The following BFSP2 variants were observed in gnomAD, a reference collection of about 807,000 sequenced individuals.
The protein encoded by BFSP2 is phakinin.
BFSP2 carries 38 observed loss-of-function variants against 44.9 expected under a neutral mutation model. The ratio of observed to expected loss-of-function variants is 0.85; its 90% CI spans 0.65 to 1.11. The LOEUF is 1.11. BFSP2 is among the 50% of genes least tolerant of loss of function. The pLI is 0.00. For synonymous variants in BFSP2, 197 were observed against 209.9 expected (o/e 0.94, Z 0.53); for missense variants, 525 against 533.0 (o/e 0.99, Z 0.15).
At chr3:133,469,012 T>A (rs1363975960) in intron 5 of BFSP2, among the ~76,000 whole-genome samples, 1 of 152,244 alleles carries the variant, frequency 6.6e-6, no homozygotes, top group African/African-American at 2.4e-5. Context: ...CTATAATAGC[T>A]ACTAGTACAG....
At chr3:133,420,117 A>C (rs1156665017) in intron 1 of BFSP2, among the ~76,000 whole-genome samples, 1 of 152,240 alleles carries the variant, frequency 6.6e-6, no homozygotes, top group Non-Finnish European at 1.5e-5. Context: ...CCCTGAGCAC[A>C]TACTCATAGG....
chr3:133,464,839 G>A (rs954513156), intron 4 of BFSP2, among the ~76,000 whole-genome samples: 1 of 151,912 alleles, frequency 6.6e-6, no homozygotes, highest in East Asian at 1.9e-4. Context: ...GATGGCTTAG[G>A]GACACAAGCT....
chr3:133,460,768 C>A (rs1285526979), intron 4 of BFSP2, among the ~76,000 whole-genome samples: 2 of 152,196 alleles, frequency 1.3e-5, no homozygotes, highest in Non-Finnish European at 1.5e-5. Flanking sequence ...CCATGAACAG[C>A]ACGATGAGAT....
chr3:133,431,356 G>T (rs981338995), intron 1 of BFSP2, among the ~76,000 whole-genome samples: 7 of 152,188 alleles, frequency 4.6e-5, no homozygotes, highest in Admixed American at 3.3e-4. Flanking sequence ...CACCTGAACC[G>T]CAGCAGCCAG....
intron 1 of BFSP2, among the ~76,000 whole-genome samples, chr3:133,420,447 C>T (rs953849530): frequency 4.6e-5 from 7 of 152,164 alleles, no homozygotes; most frequent in Non-Finnish European, 7.3e-5. Context: ...GGTTGCAGAG[C>T]GTCCTTGCCT....
At chr3:133,425,024 T>TGTGG (rs2073630790) in intron 1 of BFSP2, among the ~76,000 whole-genome samples, 1 of 152,212 alleles carries the variant, frequency 6.6e-6, no homozygotes, top group Non-Finnish European at 1.5e-5. Context: ...CTCCTTAGCC[T>TGTGG]GTGGGTGTAA....
intron 1 of BFSP2, among the ~76,000 whole-genome samples, chr3:133,413,353 C>A (rs539205413): frequency 6.6e-6 from 1 of 152,006 alleles, no homozygotes; most frequent in African/African-American, 2.4e-5. Flanking sequence ...AAAACAAACC[C>A]AGCCAAATTA....
intron 1 of BFSP2, among the ~76,000 whole-genome samples, chr3:133,406,796 T>C (rs1176842136): frequency 6.6e-6 from 1 of 151,956 alleles, no homozygotes; most frequent in Admixed American, 6.6e-5. Context: ...GGTATAAGAA[T>C]TGGAAAGAAA....
chr3:133,400,374 G>A lies in BFSP2; in HGVS notation c.291G>A (p.Pro97=), dbSNP rs749505438. Residue 97 remains proline, a synonymous_variant, in exon 1 of 7, where the codon CCG becomes CCA. Transcript: ENST00000302334. The surrounding 1 kb of genome is among the most constrained non-coding windows in gnomAD (Gnocchi z 4.0). ...GGAGCTCAGGCCTGGCCACCGTGCCGGCTCCAGGTTTGGAGAGGGACCATG... is the reference window on the plus strand; with the variant it reads ...GGAGCTCAGGCCTGGCCACCGTGCCAGCTCCAGGTTTGGAGAGGGACCATG... The part of the protein sequence containing the change: ...GLRSSGLATV[P]APGLERDHGA... 2.2e-5 allele frequency: 35 copies of A among 1,613,936 alleles called. No homozygotes were observed. Among genetic ancestry groups the A allele is most frequent in the Middle Eastern group, 3.3e-4 (2 of 6,084 alleles).
intron 1 of BFSP2, among the ~76,000 whole-genome samples, chr3:133,415,571 C>T (rs1272360336): frequency 6.1e-5 from 6 of 98,190 alleles, no homozygotes; most frequent in Admixed American, 1.9e-4. Context: ...CCTGCCCCCT[C>T]CGCTCTACTC....
At chr3:133,413,421 G>A (rs1347707812) in intron 1 of BFSP2, among the ~76,000 whole-genome samples, 1 of 152,112 alleles carries the variant, frequency 6.6e-6, no homozygotes, top group Admixed American at 6.5e-5. Flanking sequence ...CTCTCCAGAA[G>A]AGCTAAATTA....
At chr3:133,460,729 A>G (rs2074054652) in intron 4 of BFSP2, among the ~76,000 whole-genome samples, 1 of 152,132 alleles carries the variant, frequency 6.6e-6, no homozygotes, top group African/African-American at 2.4e-5. Flanking sequence ...GAACCCCTGT[A>G]TTCCCACGGG....
chr3:133,421,860 G>A (rs1459301790), intron 1 of BFSP2, among the ~76,000 whole-genome samples: 1 of 152,140 alleles, frequency 6.6e-6, no homozygotes, highest in African/African-American at 2.4e-5. Flanking sequence ...CGTAATCCCA[G>A]CACTTTGGGA....
intron 1 of BFSP2, among the ~76,000 whole-genome samples, chr3:133,442,227 C>A (rs2073852480): frequency 1.3e-5 from 2 of 152,208 alleles, no homozygotes; most frequent in South Asian, 4.1e-4. Flanking sequence ...GCAGCCTCGA[C>A]CTCCTGGCCT....
At position 133,449,982 on chromosome 3, in the gene BFSP2, A is replaced by AAAGGAAGGAAGG. The variant is rs71136469; in HGVS notation, c.730-295_730-284dup. Among the ~76,000 whole-genome samples, 10,918 of 86,172 alleles carry AAAGGAAGGAAGG rather than the reference A, an allele frequency of 0.13. 1,033 individuals are homozygous for AAAGGAAGGAAGG. The highest frequency in any genetic ancestry group is 0.23 in the South Asian group (449 of 1,992). The allele number at this position is 86,172 out of a possible 152,430, so 56.5% of individuals were successfully genotyped here. On this transcript the variant is annotated intron_variant, in intron 3 of 6. Coordinates refer to ENST00000302334, the MANE Select transcript of BFSP2 (RefSeq NM_003571.4). ...GAGAAAGAGAAAGAAGGAAAGAAGG[A>AAAGGAAGGAAGG]AAGGAAGGAAGGAAGGAAGGAAGGA...
chr3:133,474,508 A>C (rs1309076461), intron 6 of BFSP2, among the ~76,000 whole-genome samples: 1 of 152,222 alleles, frequency 6.6e-6, no homozygotes, highest in African/African-American at 2.4e-5. Flanking sequence ...ACTGTCTTTT[A>C]TTGAATTGAT....
intron 1 of BFSP2, chr3:133,429,760 T>TG (rs2073690338): frequency 2.0e-5 from 1 of 49,404 alleles, no homozygotes; most frequent in African/African-American, 1.0e-4. Flanking sequence ...TAAACTTTTT[T>TG]TTTTTTTATT....
At chr3:133,443,079 G>C (rs72980097) in intron 1 of BFSP2, among the ~76,000 whole-genome samples, 18,079 of 151,866 alleles carry the variant, frequency 0.12, 1,104 homozygotes, top group Middle Eastern at 0.19. Flanking sequence ...AGGCTGGTCT[G>C]GAACAACTGA....
At chr3:133,423,467 CAAT>C (rs1208568664) in intron 1 of BFSP2, among the ~76,000 whole-genome samples, 8 of 147,058 alleles carry the variant, frequency 5.4e-5, no homozygotes, top group Admixed American at 3.5e-4. Context: ...GTACTTAAAA[CAAT>C]AATAACCGCA....
Sources: gnomAD v4.1 joint callset for allele counts (sites outside exome capture counted in the v4.1 genomes callset) on GRCh38, gnomAD v4.1.1 for gene constraint, Gnocchi (gnomAD v3.1) non-coding constraint, MANE v1.5 for transcripts, NCBI Gene and HGNC (gene_info 2026-07-23, HGNC 2026-07-21) for gene names.